ARHGAP44: variants seen among roughly 807,000 people sequenced by gnomAD.
The protein encoded by ARHGAP44 is Rho GTPase activating protein 44, also known as rho GTPase-activating protein 44.
Under a neutral mutation model 106.8 loss-of-function variants are expected in ARHGAP44, and 43 were observed. The observed-to-expected ratio is 0.40, with a 90% CI of 0.32 to 0.52. ARHGAP44 has a LOEUF of 0.52. Ranked by LOEUF, ARHGAP44 falls within the 20% of genes least tolerant of loss-of-function variation. The pLI is 0.48. For missense variants in ARHGAP44, 866 were observed against 1,050.5 expected (o/e 0.82, Z 2.43); for synonymous variants, 439 against 410.3 (o/e 1.07, Z -0.85).
intron 16 of ARHGAP44, among the ~76,000 whole-genome samples, chr17:12,966,728 GC>G (rs2039401006): frequency 1.3e-5 from 2 of 152,180 alleles, no homozygotes; most frequent in South Asian, 4.1e-4. Flanking sequence ...TTCTTGGCTG[GC>G]CTTTGCCAAA....
At chr17:12,843,651 C>CTTTTTTTTTT (rs146749216) in intron 1 of ARHGAP44, among the ~76,000 whole-genome samples, 1 of 97,126 alleles carries the variant, frequency 1.0e-5, no homozygotes, top group African/African-American at 4.9e-5. Context: ...GTATTGGTTA[C>CTTTTTTTTTT]TTTTTTTTTT....
In ARHGAP44 at chr17:12,827,426, T is replaced by TA. The variant is rs1290174149; in HGVS notation, c.53+37542dup. 2.0e-5 allele frequency among the ~76,000 whole-genome samples: 3 copies of TA among 152,046 alleles called. No individual in the cohort carries two copies. The South Asian group carries it at 6.2e-4, about 31-fold the overall frequency. On this transcript the variant is annotated intron_variant, in intron 1 of 20. Coordinates refer to ENST00000379672, the MANE Select transcript of ARHGAP44 (RefSeq NM_014859.6). Reference sequence around the variant, plus strand: ...AAGTCAATTTTTTATGAATGTCAAATAAAAAAATCCAAAATAAAATATTAG... The same window carrying TA: ...AAGTCAATTTTTTATGAATGTCAAATAAAAAAAATCCAAAATAAAATATTAG...
chr17:12,839,796 T>A (rs1001294717), intron 1 of ARHGAP44, among the ~76,000 whole-genome samples: 13 of 152,230 alleles, frequency 8.5e-5, no homozygotes, highest in African/African-American at 3.1e-4. Flanking sequence ...CTCATCTTCA[T>A]GTGGATCATA....
intron 1 of ARHGAP44, among the ~76,000 whole-genome samples, chr17:12,838,323 T>A (rs1040631296): frequency 6.6e-6 from 1 of 152,244 alleles, no homozygotes; most frequent in Admixed American, 6.5e-5. Context: ...TAAAAATGCC[T>A]ATGTTTGCCT....
At chr17:12,812,468 T>A (rs1390208484) in intron 1 of ARHGAP44, among the ~76,000 whole-genome samples, 2 of 152,160 alleles carry the variant, frequency 1.3e-5, no homozygotes, top group African/African-American at 2.4e-5. Flanking sequence ...GTGTATAGAA[T>A]TTACTCCTCG....
intron 3 of ARHGAP44, among the ~76,000 whole-genome samples, chr17:12,902,817 C>T (rs1437486923): frequency 6.6e-6 from 1 of 152,168 alleles, no homozygotes; most frequent in Non-Finnish European, 1.5e-5. Flanking sequence ...TAATAATTCC[C>T]TACCCAGCAG....
In ARHGAP44 at chr17:12,963,800, T is replaced by C. The variant is rs142823240; in HGVS notation, c.1523+4903T>C. 9.6e-3 allele frequency among the ~76,000 whole-genome samples: 1,466 copies of C among 152,002 alleles called. 11 individuals are homozygous for C. Among genetic ancestry groups the C allele is most frequent in the Non-Finnish European group, 0.015 (1,038 of 67,954 alleles). On this transcript the variant is annotated intron_variant, in intron 16 of 20. Coordinates refer to ENST00000379672, the MANE Select transcript of ARHGAP44 (RefSeq NM_014859.6). ...CTAAGTTTTAGGGTAGTTTGTTACA[T>C]AACAAAGAGCCAGAACAAGCTTAAA...
At chr17:12,939,479 A>G (rs1398347092) in intron 7 of ARHGAP44, among the ~76,000 whole-genome samples, 1 of 150,548 alleles carries the variant, frequency 6.6e-6, no homozygotes, top group African/African-American at 2.4e-5. Context: ...TTTTTTTTTT[A>G]TTTTGAGACA....
At chr17:12,903,424 T>C (rs2037454329) in intron 3 of ARHGAP44, among the ~76,000 whole-genome samples, 1 of 152,126 alleles carries the variant, frequency 6.6e-6, no homozygotes, top group Non-Finnish European at 1.5e-5. Flanking sequence ...TGAAAATCAC[T>C]GGCAGCATGA....
intron 1 of ARHGAP44, among the ~76,000 whole-genome samples, chr17:12,817,975 GGAGA>G (rs1307340910): frequency 1.3e-5 from 2 of 151,888 alleles, no homozygotes; most frequent in African/African-American, 4.8e-5. Context: ...GAAAACAGAA[GGAGA>G]GAGAACACTT....
intron 17 of ARHGAP44, 131 bp downstream of exon 17, chr17:12,973,450 G>T: frequency 2.2e-6 from 2 of 903,818 alleles, no homozygotes; most frequent in Admixed American, 2.3e-5. Flanking sequence ...TTGAAGCTGT[G>T]TGCCCATCAT....
At chr17:12,979,940 G>C in intron 18 of ARHGAP44, 118 bp from the exon 19 acceptor site, 2 of 1,127,434 alleles carry the variant, frequency 1.8e-6, no homozygotes, top group Non-Finnish European at 1.2e-6. Flanking sequence ...AGACAGACCA[G>C]AGCTGGGACA....
chr17:12,913,857 C>A (rs2037816791), intron 4 of ARHGAP44, among the ~76,000 whole-genome samples: 1 of 149,248 alleles, frequency 6.7e-6, no homozygotes, highest in Non-Finnish European at 1.5e-5. Context: ...TAATCCCAGC[C>A]ACTCGGGAGG....
chr17:12,952,707 T>A, intron 13 of ARHGAP44, 126 bp downstream of exon 13: 1 of 557,096 alleles, frequency 1.8e-6, no homozygotes, highest in Non-Finnish European at 3.1e-6. Flanking sequence ...AAGGTATTAT[T>A]AACATGCATG....
intron 20 of ARHGAP44, among the ~76,000 whole-genome samples, chr17:12,989,306 G>C (rs930609038): frequency 6.6e-6 from 1 of 152,008 alleles, no homozygotes; most frequent in Non-Finnish European, 1.5e-5. Context: ...TGGCAAAGAG[G>C]CTTCGTGTCC....
At chr17:12,794,619 A>C (rs1226501826) in intron 1 of ARHGAP44, among the ~76,000 whole-genome samples, 3 of 152,032 alleles carry the variant, frequency 2.0e-5, no homozygotes, top group Non-Finnish European at 2.9e-5. Flanking sequence ...GGTCGGGTTG[A>C]ATTGTGTGGA....
intron 9 of ARHGAP44, 41 bp downstream of exon 9, chr17:12,943,710 C>T (rs772512836): frequency 6.3e-7 from 1 of 1,588,522 alleles, no homozygotes; most frequent in Middle Eastern, 2.0e-4. Context: ...GGCCGGGGTG[C>T]CTGCTTGCCT....
intron 1 of ARHGAP44, among the ~76,000 whole-genome samples, chr17:12,812,867 T>C (rs2034479377): frequency 6.6e-6 from 1 of 152,230 alleles, no homozygotes; most frequent in Admixed American, 6.5e-5. Flanking sequence ...TTTGGCATTT[T>C]GAAATACCTT....
intron 1 of ARHGAP44, among the ~76,000 whole-genome samples, chr17:12,834,725 G>A (rs1413634692): frequency 5.3e-5 from 8 of 152,166 alleles, no homozygotes; most frequent in East Asian, 1.9e-4. Flanking sequence ...TAATAGTGAT[G>A]TTCTCAGAAG....
Sources: allele counts gnomAD v4.1 joint callset (sites outside exome capture counted in the v4.1 genomes callset), GRCh38; gene constraint gnomAD v4.1.1; transcripts MANE v1.5; gene names NCBI Gene and HGNC (gene_info 2026-07-23, HGNC 2026-07-21).